CEP85L: variants seen among roughly 807,000 people sequenced by gnomAD.
CEP85L encodes centrosomal protein of 85 kDa-like.
Under a neutral mutation model 100.3 loss-of-function variants are expected in CEP85L, and 60 were observed. The ratio of observed to expected loss-of-function variants is 0.60; its 90% CI spans 0.49 to 0.74. The LOEUF is 0.74. Ranked by LOEUF, CEP85L falls within the 30% of genes least tolerant of loss-of-function variation. CEP85L has a pLI of 0.00. For synonymous variants in CEP85L, 319 were observed against 322.7 expected, an observed-to-expected ratio of 0.99 and a Z score of 0.12; for missense variants, 973 against 936.2, an observed-to-expected ratio of 1.04 and a Z score of -0.51.
rs1158803227 is a variant in CEP85L, at chr6:118,483,806, TC to T, written c.1489del (p.Glu497AsnfsTer25). ...ISSLKKKCQK[E>X]SEQNKEKQRR... ...CTGCTTTTCTTTGTTTTGTTCAGAT[TC>T]CTTCTGGCATTTCTTTTTCAGACTA... On this transcript the variant is annotated frameshift_variant, in exon 7 of 13. Coordinates refer to ENST00000368491, the MANE Select transcript of CEP85L (RefSeq NM_001042475.3). LOFTEE classifies it high-confidence loss of function. 1 of 1,613,894 alleles carries T rather than the reference TC, an allele frequency of 6.2e-7. No homozygotes were observed. The highest frequency in any genetic ancestry group is 1.1e-5 in the South Asian group (1 of 91,076).
chr6:118,621,947 T>G (rs1336538472), intron 2 of CEP85L, among the ~76,000 whole-genome samples: 2 of 152,066 alleles, frequency 1.3e-5, no homozygotes, highest in Non-Finnish European at 2.9e-5. Flanking sequence ...CTTCAAAACT[T>G]TATAACAGAC....
intron 4 of CEP85L, among the ~76,000 whole-genome samples, chr6:118,515,298 C>T (rs905566290): frequency 6.6e-6 from 1 of 152,086 alleles, no homozygotes; most frequent in African/African-American, 2.4e-5. Context: ...GATATTTTGA[C>T]ACCTGGATCT....
Position 118,522,696 on chromosome 6 carries a change from G to A in CEP85L, c.1139+1106C>T, listed in dbSNP as rs1165973810. 2.6e-5 allele frequency among the ~76,000 whole-genome samples: 4 copies of A among 152,138 alleles called. No individual in the cohort carries two copies. In the South Asian group the frequency reaches 6.2e-4, roughly 24 times the overall value. Reference sequence around the variant, plus strand: ...AGTTCAAGACAATACTGGCCAACACGGCAAAACCCTGTCCCTACTAAAAAA... The same window carrying A: ...AGTTCAAGACAATACTGGCCAACACAGCAAAACCCTGTCCCTACTAAAAAA... On this transcript the variant is annotated intron_variant, in intron 4 of 12. Coordinates refer to ENST00000368491, the MANE Select transcript of CEP85L (RefSeq NM_001042475.3).
chr6:118,601,420 G>A (rs1374345050), intron 2 of CEP85L, among the ~76,000 whole-genome samples: 1 of 152,164 alleles, frequency 6.6e-6, no homozygotes. Flanking sequence ...GCTTCACTGT[G>A]ACTGAGTTTG....
rs961308668 is a variant in CEP85L at position 118,688,326 on chromosome 6, T to A, written c.-28+21710A>T. ...CTCTGTTTTATTTTTAACTGAAAAG[T>A]CTGAAACTTATTGCTTGCTGTCTCC... On this transcript the variant is annotated intron_variant, in intron 1 of 13. Transcript: ENST00000368488. Among the ~76,000 whole-genome samples, 3 of 152,188 alleles carry A rather than the reference T, an allele frequency of 2.0e-5. No homozygotes were observed. In the East Asian group the frequency reaches 5.8e-4, roughly 29 times the overall value.
At chr6:118,650,613 G>T (rs1027089201) in intron 1 of CEP85L, among the ~76,000 whole-genome samples, 1 of 152,134 alleles carries the variant, frequency 6.6e-6, no homozygotes, top group African/African-American at 2.4e-5. Flanking sequence ...TTCCTCCGAG[G>T]GGCTGAAGTT....
chr6:118,651,733 C>G (rs1048306900), upstream of CEP85L: 8 of 986,642 alleles, frequency 8.1e-6, no homozygotes, highest in South Asian at 3.3e-4. Context: ...GTGAGCTACC[C>G]CGACCCCGCT....
At chr6:118,614,690 A>G (rs535806249) in intron 2 of CEP85L, among the ~76,000 whole-genome samples, 1 of 152,336 alleles carries the variant, frequency 6.6e-6, no homozygotes, top group South Asian at 2.1e-4. Flanking sequence ...TTGAAAATAA[A>G]AAAATTAGCT....
intron 1 of CEP85L, among the ~76,000 whole-genome samples, chr6:118,676,946 A>G (rs1379410743): frequency 6.6e-6 from 1 of 152,154 alleles, no homozygotes; most frequent in African/African-American, 2.4e-5. Flanking sequence ...GATTAGAGAT[A>G]CTGAGCATTT....
chr6:118,564,990 T>A (rs1391738584), intron 3 of CEP85L: 1 of 150,590 alleles, frequency 6.6e-6, no homozygotes, highest in Non-Finnish European at 1.5e-5. Context: ...CCTTGACACA[T>A]AATTTTTTTT....
chr6:118,666,267 T>A (rs759721395), intron 1 of CEP85L, among the ~76,000 whole-genome samples: 5 of 152,200 alleles, frequency 3.3e-5, no homozygotes, highest in Non-Finnish European at 7.4e-5. Context: ...AAAGCGGACC[T>A]ATACAGGTGT....
At chr6:118,491,929 T>A (rs1001619702) in intron 5 of CEP85L, 64 bp from the exon 6 acceptor site, 3 of 1,285,020 alleles carry the variant, frequency 2.3e-6, no homozygotes, top group Non-Finnish European at 3.2e-6. Context: ...TGTGAAGAAA[T>A]TGGAAATGAA....
At chr6:118,596,089 T>C (rs895297339) in intron 2 of CEP85L, among the ~76,000 whole-genome samples, 4 of 152,252 alleles carry the variant, frequency 2.6e-5, no homozygotes, top group Admixed American at 2.6e-4. Flanking sequence ...TCTAAAATGT[T>C]TGGAATTTAG....
At chr6:118,611,093 C>T (rs1772578094) in intron 2 of CEP85L, among the ~76,000 whole-genome samples, 1 of 152,040 alleles carries the variant, frequency 6.6e-6, no homozygotes, top group Non-Finnish European at 1.5e-5. Flanking sequence ...GAAGAAAAAA[C>T]ACAAGAAACA....
chr6:118,577,398 A>T (rs1303006643), intron 2 of CEP85L, among the ~76,000 whole-genome samples: 5 of 152,226 alleles, frequency 3.3e-5, no homozygotes, highest in African/African-American at 1.2e-4. Context: ...TGAAAAAAGA[A>T]GTACCCCCCA....
At chr6:118,531,839 T>C (rs1777310572) in intron 3 of CEP85L, among the ~76,000 whole-genome samples, 1 of 151,656 alleles carries the variant, frequency 6.6e-6, no homozygotes, top group South Asian at 2.1e-4. Flanking sequence ...TGGTTATTAC[T>C]AAAAAGAAAA....
intron 2 of CEP85L, among the ~76,000 whole-genome samples, chr6:118,592,632 T>G (rs1021775990): frequency 9.9e-5 from 15 of 152,156 alleles, no homozygotes; most frequent in African/African-American, 3.4e-4. Context: ...AGAAAATGGT[T>G]GAAATATCAC....
At chr6:118,555,258 C>T (rs960754559) in intron 3 of CEP85L, among the ~76,000 whole-genome samples, 4 of 151,850 alleles carry the variant, frequency 2.6e-5, no homozygotes, top group African/African-American at 7.3e-5. Flanking sequence ...GGTGAAACCC[C>T]GTCTCTACTA....
chr6:118,543,938 G>A (rs996096014), intron 3 of CEP85L, among the ~76,000 whole-genome samples: 1 of 152,202 alleles, frequency 6.6e-6, no homozygotes, highest in African/African-American at 2.4e-5. Context: ...TAAGAGGAGA[G>A]TTGGTCAGGC....
Sources: gnomAD v4.1 joint callset for allele counts (sites outside exome capture counted in the v4.1 genomes callset) on GRCh38, gnomAD v4.1.1 for gene constraint, MANE v1.5 for transcripts, NCBI Gene and HGNC (gene_info 2026-07-23, HGNC 2026-07-21) for gene names.